XPO5: variants seen among roughly 807,000 people sequenced by gnomAD.
XPO5 encodes exportin-5.
Under a neutral mutation model 160.6 loss-of-function variants are expected in XPO5, and 46 were observed. The observed-to-expected ratio is 0.29, with a 90% CI of 0.23 to 0.37. The LOEUF is 0.37. Among genes scored for constraint, XPO5 ranks in the 10% least tolerant of loss-of-function variants. The pLI is 1.00. For missense variants in XPO5, 1,090 were observed against 1,463.9 expected (o/e 0.74, Z 4.17); for synonymous variants, 537 against 519.3 (o/e 1.03, Z -0.46).
At chr6:43,541,014 C>A (rs993038557) in intron 20 of XPO5, among the ~76,000 whole-genome samples, 2 of 151,994 alleles carry the variant, frequency 1.3e-5, no homozygotes, top group Non-Finnish European at 2.9e-5. Context: ...AAAGACACAT[C>A]ACATGTTCTC....
chr6:43,529,764 A>G (rs1793843873), intron 23 of XPO5, among the ~76,000 whole-genome samples: 1 of 151,400 alleles, frequency 6.6e-6, no homozygotes, highest in Admixed American at 6.6e-5. Flanking sequence ...TACAAATAAT[A>G]ATAAAAACTA....
In XPO5 at chr6:43,557,127, C is replaced by CAAA. The variant is rs58974895; in HGVS notation, c.1313-1166_1313-1164dup. ...TGGGCGACAGAGCAAGACTCCATCT[C>CAAA]AAAAAAAAAAAAAAAAAGGCTGGGT... On this transcript the variant is annotated intron_variant, in intron 12 of 31. Transcript: ENST00000265351. 1.0e-3 allele frequency among the ~76,000 whole-genome samples: 64 copies of CAAA among 61,100 alleles called. 1 individual carries two copies. The highest frequency in any genetic ancestry group is 3.4e-3 in the African/African-American group (62 of 18,446). 40.1% of individuals were successfully genotyped at this position (61,100 alleles called of 152,430 possible).
At chr6:43,552,606 G>C (rs1795301465) in intron 14 of XPO5, among the ~76,000 whole-genome samples, 1 of 152,132 alleles carries the variant, frequency 6.6e-6, no homozygotes, top group Non-Finnish European at 1.5e-5. Context: ...GCCAGCCTTG[G>C]CCTCCCAAAG....
rs1194465401 is a variant in XPO5 at position 43,525,828 on chromosome 6, C to G, written c.3066+11G>C. 1.2e-6 allele frequency: 2 copies of G among 1,613,816 alleles called. No individual in the cohort carries two copies. The highest frequency in any genetic ancestry group is 1.7e-6 in the Non-Finnish European group (2 of 1,179,848). On this transcript the variant is annotated intron_variant, in intron 28 of 31. Transcript: ENST00000265351. Reference sequence around the variant, plus strand: ...CAAGGAGTAAAGGTATCACCTGCTCCTTCTACCCACCTCATGCTTCATCAG... The same window carrying G: ...CAAGGAGTAAAGGTATCACCTGCTCGTTCTACCCACCTCATGCTTCATCAG...
chr6:43,533,251 CACACACACACACGAG>C (rs1794110477), intron 21 of XPO5: 1 of 138,876 alleles, frequency 7.2e-6, no homozygotes, highest in Admixed American at 6.9e-5. Context: ...CACACACACA[CACACACACACACGAG>C]GAGGCAGGAA....
chr6:43,525,752 T>C (rs1051881266), intron 28 of XPO5, 87 bp downstream of exon 28: 1 of 1,396,390 alleles, frequency 7.2e-7, no homozygotes, highest in African/African-American at 1.5e-5. Flanking sequence ...TACAAAAAAC[T>C]CTTGATAGCA....
chr6:43,536,734 T>C (rs1038087061), intron 20 of XPO5, among the ~76,000 whole-genome samples: 1 of 111,956 alleles, frequency 8.9e-6, no homozygotes, highest in South Asian at 3.1e-4. Flanking sequence ...CACTCCAGCC[T>C]GGACGACAGA....
rs531987232 is a variant in XPO5, at chr6:43,535,549, TCTTG to T, written c.2343-1546_2343-1543del. Among the ~76,000 whole-genome samples, 361 of 152,234 alleles carry T rather than the reference TCTTG, an allele frequency of 2.4e-3. 2 individuals carry two copies. The highest frequency in any genetic ancestry group is 8.4e-3 in the African/African-American group (348 of 41,536). ...AGCCTCCATAGTTTGTTCTGTTTGTTCTTGCTTAAGAAGTCATTCTAGAGGCCGG... is the reference window on the plus strand; with the variant it reads ...AGCCTCCATAGTTTGTTCTGTTTGTTCTTAAGAAGTCATTCTAGAGGCCGG... On this transcript the variant is annotated intron_variant, in intron 20 of 31. Transcript: ENST00000265351.
chr6:43,546,659 C>A lies in XPO5; in HGVS notation c.2254G>T (p.Gly752Cys), dbSNP rs751406300. 1 of 1,613,732 alleles carries A rather than the reference C, an allele frequency of 6.2e-7. No homozygotes were observed. Among genetic ancestry groups the A allele is most frequent in the African/African-American group, 1.3e-5 (1 of 74,982 alleles). The change falls in exon 20 of 32, where the codon GGT becomes TGT. Residue 752 changes from glycine to cysteine, a missense_variant. Coordinates refer to ENST00000265351, the MANE Select transcript of XPO5 (RefSeq NM_020750.3). Reference protein sequence around the residue: ...EEAKAGGFVVGYTSSGNPIFR... With the variant: ...EEAKAGGFVVCYTSSGNPIFR... ...ATTGGATTTCCACTGGATGTATAAC[C>A]CACCACAAATCCCCCAGCTTTGGCC... is the stretch of plus-strand genomic sequence containing the variant.
chr6:43,531,077 T>C lies in XPO5; in HGVS notation c.2541-253A>G, dbSNP rs575013377. Among the ~76,000 whole-genome samples, 163 of 152,328 alleles carry C rather than the reference T, an allele frequency of 1.1e-3. 1 individual carries two copies. The highest frequency in any genetic ancestry group is 3.4e-3 in the Admixed American group (52 of 15,296). ...ATCTCATTAGCTTGGCTGATTAGTGTAGTGGTTAGTGAGGCCAAAGCCCAT... is the reference window on the plus strand; with the variant it reads ...ATCTCATTAGCTTGGCTGATTAGTGCAGTGGTTAGTGAGGCCAAAGCCCAT... On this transcript the variant is annotated intron_variant, in intron 22 of 31. Transcript: ENST00000265351.
Position 43,575,724 on chromosome 6 carries a change from G to A in XPO5, c.105+36C>T, listed in dbSNP as rs901248706. Reference sequence around the variant, plus strand: ...GGAGCTGCTGGGGCTGGGAGAGGGTGTCGGGACCGGCCCAGGACGCCAGGA... The same window carrying A: ...GGAGCTGCTGGGGCTGGGAGAGGGTATCGGGACCGGCCCAGGACGCCAGGA... On this transcript the variant is annotated intron_variant, in intron 1 of 31. Coordinates refer to ENST00000265351, the MANE Select transcript of XPO5 (RefSeq NM_020750.3). The A allele has an allele frequency of 2.0e-5, 31 of 1,578,182 alleles. 1 individual carries two copies. In the Middle Eastern group the frequency reaches 8.4e-4, roughly 43 times the overall value.
rs889192314 is a variant in XPO5, at chr6:43,526,123, G to A, written c.2984-202C>T. ...AGAGATGCACTCAAGCTGTACATGAGGGAAATGGGAGCTTCTAGGCAGAAA... is the reference window on the plus strand; with the variant it reads ...AGAGATGCACTCAAGCTGTACATGAAGGAAATGGGAGCTTCTAGGCAGAAA... On this transcript the variant is annotated intron_variant, in intron 27 of 31. Coordinates refer to ENST00000265351, the MANE Select transcript of XPO5 (RefSeq NM_020750.3). 15 of 563,828 alleles carry A rather than the reference G, an allele frequency of 2.7e-5. No homozygotes were observed. The Admixed American group carries it at 3.9e-4, about 15-fold the overall frequency. 34.9% of individuals were successfully genotyped at this position (563,828 alleles called of 1,614,324 possible).
chr6:43,570,884 T>C lies in XPO5; in HGVS notation c.411A>G (p.Ile137Met), dbSNP rs773644833. The C allele has an allele frequency of 4.3e-6, 7 of 1,612,776 alleles. No homozygotes were observed. The African/African-American group carries it at 5.3e-5, about 12-fold the overall frequency. ...CTTGTTTGGAAAGAGTGTCCAATTC[T>C]ATTAGCATGTCAGGCCAATGCTGTG... ...EWPQHWPDMLIELDTLSKQGE... is the reference protein window; with the variant it reads ...EWPQHWPDMLMELDTLSKQGE... The change falls in exon 4 of 32, where the codon ATA becomes ATG. Residue 137 changes from isoleucine (I) to methionine (M), a missense_variant. By Grantham distance (10) the Ile-to-Met change is conservative (BLOSUM62 1). Transcript: ENST00000265351.
intron 8 of XPO5, among the ~76,000 whole-genome samples, chr6:43,563,819 T>G (rs1174553807): frequency 6.6e-6 from 1 of 152,194 alleles, no homozygotes; most frequent in African/African-American, 2.4e-5. Flanking sequence ...GACAGAAAAC[T>G]GTACTGGGTG....
At chr6:43,527,527 G>A (rs1035452038) in intron 26 of XPO5, 107 bp downstream of exon 26, 39 of 1,145,896 alleles carry the variant, frequency 3.4e-5, no homozygotes, top group Middle Eastern at 2.0e-4. Flanking sequence ...CATGCCCGCC[G>A]CAAACATGAA....
intron 20 of XPO5, among the ~76,000 whole-genome samples, chr6:43,536,215 G>C (rs1794312812): frequency 6.6e-6 from 1 of 151,862 alleles, no homozygotes; most frequent in African/African-American, 2.4e-5. Flanking sequence ...AGGAGTTTGA[G>C]ACCAGCCTGG....
intron 29 of XPO5, 64 bp downstream of exon 29, chr6:43,525,039 ATGAT>A (rs766775038): frequency 5.4e-5 from 86 of 1,585,310 alleles, no homozygotes; most frequent in Non-Finnish European, 6.9e-5. Flanking sequence ...GTTCTTCTGA[ATGAT>A]TTAGTCAGTC....
chr6:43,551,156 T>G, intron 15 of XPO5, 142 bp downstream of exon 15: 1 of 771,932 alleles, frequency 1.3e-6, no homozygotes, highest in South Asian at 3.0e-5. Context: ...CTCAGAAGGG[T>G]GAGGTGTGAG....
At chr6:43,565,119 AC>A (rs1340377765) in intron 8 of XPO5, among the ~76,000 whole-genome samples, 17 of 151,850 alleles carry the variant, frequency 1.1e-4, no homozygotes. Context: ...ATGGGGTTTC[AC>A]CGTGTTGGCC....
Sources: allele counts gnomAD v4.1 joint callset (sites outside exome capture counted in the v4.1 genomes callset), GRCh38; gene constraint gnomAD v4.1.1; transcripts MANE v1.5; gene names NCBI Gene and HGNC (gene_info 2026-07-23, HGNC 2026-07-21).